The following SLC39A12 variants were observed in gnomAD, a reference collection of about 807,000 sequenced individuals.
SLC39A12 encodes the protein zinc transporter ZIP12.
A neutral mutation model predicts 71.1 loss-of-function variants in SLC39A12; 63 were observed. The observed-to-expected ratio is 0.89, with a 90% CI of 0.72 to 1.09. The LOEUF (loss-of-function observed/expected upper bound fraction) is 1.09, where lower values mean the gene tolerates loss of function less well. Among genes scored for constraint, SLC39A12 ranks in the 50% least tolerant of loss-of-function variants. SLC39A12 has a pLI of 0.00. For synonymous variants in SLC39A12, 351 were observed against 301.3 expected, an observed-to-expected ratio of 1.16 and a Z score of -1.71; for missense variants, 892 against 812.6, an observed-to-expected ratio of 1.10 and a Z score of -1.19.
At chr10:17,957,238 T>C (rs1243257567) in intron 2 of SLC39A12, among the ~76,000 whole-genome samples, 7 of 152,162 alleles carry the variant, frequency 4.6e-5, no homozygotes, top group Non-Finnish European at 1.0e-4. Flanking sequence ...GGCTCTCACC[T>C]GGCATAGATC....
Position 18,003,350 on chromosome 10 carries a change from G to C in SLC39A12, c.1939G>C (p.Val647Leu), listed in dbSNP as rs1308817208. The change falls in exon 12 of 13, where the codon GTT (valine) becomes CTT (leucine). Residue 647 changes from valine to leucine, a missense_variant. Val to Leu is a conservative substitution (Grantham distance 32, BLOSUM62 1). Transcript: ENST00000377369. ...TAGMFLYLSL[V>L]EMLPEMTHVQ... ...TGGGATGTTCTTATATTTATCCTTGGTTGAAATGGTAAGCTTGGTGGCTTT... is the reference window on the plus strand; with the variant it reads ...TGGGATGTTCTTATATTTATCCTTGCTTGAAATGGTAAGCTTGGTGGCTTT... The C allele has an allele frequency of 1.2e-5, 19 of 1,606,828 alleles. No homozygotes were observed. Among genetic ancestry groups the C allele is most frequent in the Non-Finnish European group, 1.6e-5 (19 of 1,177,644 alleles).
intron 4 of SLC39A12, among the ~76,000 whole-genome samples, chr10:17,972,748 T>C (rs1027582984): frequency 2.6e-5 from 4 of 151,952 alleles, no homozygotes; most frequent in Admixed American, 1.3e-4. Flanking sequence ...GTGTGTTTCT[T>C]ATAGGCAATA....
chr10:18,003,071 G>A, intron 11 of SLC39A12, 100 bp from the exon 12 acceptor site: 1 of 1,023,714 alleles, frequency 9.8e-7, no homozygotes, highest in Non-Finnish European at 1.4e-6. Flanking sequence ...TATAAAATTG[G>A]TTCCAGTGCT....
chr10:18,006,763 T>C (rs1049759156), intron 12 of SLC39A12, among the ~76,000 whole-genome samples: 2 of 151,982 alleles, frequency 1.3e-5, no homozygotes, highest in African/African-American at 4.8e-5. Flanking sequence ...TATCTCCCCA[T>C]CTCCACTTCC....
At chr10:18,034,361 A>G (rs1268749950) in intron 12 of SLC39A12, among the ~76,000 whole-genome samples, 2 of 152,026 alleles carry the variant, frequency 1.3e-5, no homozygotes, top group African/African-American at 4.8e-5. Context: ...TATATTTAGG[A>G]TAGTTAGCTC....
At chr10:18,000,494 G>A (rs1237946452) in intron 10 of SLC39A12, among the ~76,000 whole-genome samples, 173 bp from the exon 11 acceptor site, 5 of 152,176 alleles carry the variant, frequency 3.3e-5, no homozygotes, top group Non-Finnish European at 5.9e-5. Flanking sequence ...AAGTGTGTTG[G>A]TTATCACACT....
At chr10:17,984,630 T>C (rs1009043455) in intron 6 of SLC39A12, among the ~76,000 whole-genome samples, 2 of 152,206 alleles carry the variant, frequency 1.3e-5, no homozygotes, top group Non-Finnish European at 2.9e-5. Context: ...TTCAGGGAAG[T>C]TTCTATAACA....
chr10:18,021,949 A>G (rs1053992170), intron 12 of SLC39A12, among the ~76,000 whole-genome samples: 1 of 152,294 alleles, frequency 6.6e-6, no homozygotes, highest in East Asian at 1.9e-4. Flanking sequence ...TAGGCCCACA[A>G]CATCTTCTGG....
chr10:18,028,497 GA>G (rs1836742935), intron 12 of SLC39A12, among the ~76,000 whole-genome samples: 1 of 152,144 alleles, frequency 6.6e-6, no homozygotes, highest in African/African-American at 2.4e-5. Flanking sequence ...AGATGTACAA[GA>G]AAGAGGGACA....
At chr10:17,993,082 A>G (rs1835595460) in intron 8 of SLC39A12, 99 bp from the exon 9 acceptor site, 1 of 732,306 alleles carries the variant, frequency 1.4e-6, no homozygotes, top group African/African-American at 1.8e-5. Context: ...GGCAACTACC[A>G]TTTTGGCCAA....
At position 17,995,557 on chromosome 10, in the gene SLC39A12, T is replaced by C. The variant is rs2130832504; in HGVS notation, c.1534-99T>C. On this transcript the variant is annotated intron_variant, in intron 9 of 12. Transcript: ENST00000377369. Reference sequence around the variant, plus strand: ...CTAATATACATCTAGAGTACTAAAATGTCTTTTAAAAACCCATGTAACTCT... The same window carrying C: ...CTAATATACATCTAGAGTACTAAAACGTCTTTTAAAAACCCATGTAACTCT... The C allele has an allele frequency of 1.4e-5, 14 of 1,035,392 alleles. 1 individual carries two copies. The South Asian group carries it at 2.0e-4, about 15-fold the overall frequency. The allele number at this position is 1,035,392 out of a possible 1,614,324, so 64.1% of individuals were successfully genotyped here. A position where few individuals can be genotyped will look rare whatever the true frequency, so the allele number is the denominator to read the frequency against.
At chr10:17,961,354 C>T (rs782562769) in intron 2 of SLC39A12, among the ~76,000 whole-genome samples, 5 of 152,024 alleles carry the variant, frequency 3.3e-5, no homozygotes, top group Admixed American at 6.6e-5. Flanking sequence ...AACTTGTGGC[C>T]GATCTAGTTG....
chr10:18,026,403 T>C (rs1159029612), intron 12 of SLC39A12, among the ~76,000 whole-genome samples: 1 of 152,192 alleles, frequency 6.6e-6, no homozygotes, highest in Non-Finnish European at 1.5e-5. Context: ...GCATGGTTTC[T>C]AAGAAGTCAG....
chr10:18,010,279 T>A lies in SLC39A12; in HGVS notation c.1947+6921T>A, dbSNP rs1311986850. Among the ~76,000 whole-genome samples, 4 of 152,292 alleles carry A rather than the reference T, an allele frequency of 2.6e-5. No individual in the cohort carries two copies. The East Asian group carries it at 7.7e-4, about 29-fold the overall frequency. ...AAGTTTGGCAATACCTAAGTGTAAT[T>A]TCTGTTAAACATCCACCCACAGGAA... is the stretch of plus-strand genomic sequence containing the variant. On this transcript the variant is annotated intron_variant, in intron 12 of 12. Transcript: ENST00000377369.
At chr10:18,002,016 C>A (rs1017602552) in intron 11 of SLC39A12, 8 of 151,518 alleles carry the variant, frequency 5.3e-5, no homozygotes, top group African/African-American at 1.9e-4. Flanking sequence ...CTCTGGTAAC[C>A]TTCTTCTATT....
At chr10:17,971,940 TCTC>T (rs1220719842) in intron 4 of SLC39A12, among the ~76,000 whole-genome samples, 11 of 152,204 alleles carry the variant, frequency 7.2e-5, no homozygotes, top group Non-Finnish European at 1.6e-4. Flanking sequence ...TAATTTGAAA[TCTC>T]CTCTTTTTCG....
At chr10:18,038,983 T>C (rs1166079204) in intron 12 of SLC39A12, among the ~76,000 whole-genome samples, 1 of 152,222 alleles carries the variant, frequency 6.6e-6, no homozygotes, top group Admixed American at 6.5e-5. Flanking sequence ...ACCATGCGTC[T>C]ATCTTGCCCA....
intron 12 of SLC39A12, among the ~76,000 whole-genome samples, chr10:18,010,347 C>T (rs1201155808): frequency 2.0e-5 from 3 of 152,160 alleles, no homozygotes; most frequent in Non-Finnish European, 2.9e-5. Context: ...CCTTGATATA[C>T]GTATTTGTTT....
At chr10:18,024,555 A>G (rs1836622183) in intron 12 of SLC39A12, among the ~76,000 whole-genome samples, 1 of 151,940 alleles carries the variant, frequency 6.6e-6, no homozygotes, top group Non-Finnish European at 1.5e-5. Context: ...TTCCTTGATG[A>G]TTCTAAACAT....
Sources: allele counts gnomAD v4.1 joint callset (sites outside exome capture counted in the v4.1 genomes callset), GRCh38; gene constraint gnomAD v4.1.1; transcripts MANE v1.5; gene names NCBI Gene and HGNC (gene_info 2026-07-23, HGNC 2026-07-21).